Variants in ACACA observed in about 807,000 individuals in gnomAD.
ACACA encodes the protein acetyl-CoA carboxylase 1.
A neutral mutation model predicts 296.1 loss-of-function variants in ACACA; 103 were observed. That is an observed-to-expected ratio of 0.35 (90% CI 0.30 to 0.41). ACACA has a LOEUF of 0.41. Ranked by LOEUF, ACACA falls within the 10% of genes least tolerant of loss-of-function variation. The pLI, the probability that ACACA is intolerant of heterozygous loss-of-function variation, is 1.00. For missense variants in ACACA, 1,554 were observed against 2,989.7 expected (o/e 0.52, Z 11.20); for synonymous variants, 953 against 1,038.6 (o/e 0.92, Z 1.58).
At chr17:37,202,108 G>A (rs569957116) in intron 33 of ACACA, among the ~76,000 whole-genome samples, 1 of 152,214 alleles carries the variant, frequency 6.6e-6, no homozygotes, top group South Asian at 2.1e-4. Flanking sequence ...ATGTGTCGAA[G>A]GAAAGGAGGG....
intron 52 of ACACA, among the ~76,000 whole-genome samples, chr17:37,109,946 G>A (rs774297789): frequency 1.3e-5 from 2 of 152,210 alleles, no homozygotes; most frequent in Admixed American, 6.5e-5. Flanking sequence ...TTCTGCTAGA[G>A]TCAGCATGAA....
intron 1 of ACACA, among the ~76,000 whole-genome samples, chr17:37,380,036 T>C (rs945981994): frequency 6.6e-6 from 1 of 151,338 alleles, no homozygotes; most frequent in Non-Finnish European, 1.5e-5. Context: ...AAATGTCCAA[T>C]AATGATAGAC....
At chr17:37,358,226 T>C (rs1247085077) in intron 1 of ACACA, among the ~76,000 whole-genome samples, 1 of 152,200 alleles carries the variant, frequency 6.6e-6, no homozygotes, top group African/African-American at 2.4e-5. Context: ...AAGTGTCCAT[T>C]AGTGTCCACT....
At chr17:37,268,721 CTATCTATCTATCTATCTATCTA>C (rs1400099121) in intron 10 of ACACA, among the ~76,000 whole-genome samples, 3 of 108,100 alleles carry the variant, frequency 2.8e-5, no homozygotes, top group Admixed American at 9.1e-5. Flanking sequence ...CTATATCTAT[CTATCTATCTATCTATCTATCTA>C]TATATATATA....
intron 6 of ACACA, 82 bp from the exon 7 acceptor site, chr17:37,277,196 C>T (rs764325970): frequency 7.6e-7 from 1 of 1,313,694 alleles, no homozygotes; most frequent in South Asian, 1.2e-5. Context: ...CCAGGCTGGC[C>T]CTGTTTCTTG....
At chr17:37,277,219 TC>T in intron 6 of ACACA, 105 bp from the exon 7 acceptor site, 1 of 967,118 alleles carries the variant, frequency 1.0e-6, no homozygotes, top group Non-Finnish European at 1.7e-6. Context: ...GTACAGTAGT[TC>T]CACAGCAGCC....
intron 39 of ACACA, among the ~76,000 whole-genome samples, chr17:37,182,504 C>T (rs1403661077): frequency 6.6e-6 from 1 of 152,080 alleles, no homozygotes; most frequent in Non-Finnish European, 1.5e-5. Context: ...GTGCTTCATA[C>T]TCCATATATT....
At chr17:37,379,032 A>G (rs2050128718) in intron 1 of ACACA, 1 of 1,340,154 alleles carries the variant, frequency 7.5e-7, no homozygotes, top group South Asian at 1.5e-5. Flanking sequence ...TGATTGCGAC[A>G]CTGCACTCCA....
intron 27 of ACACA, among the ~76,000 whole-genome samples, chr17:37,223,827 C>T (rs1199418390): frequency 6.6e-6 from 1 of 152,226 alleles, no homozygotes; most frequent in Non-Finnish European, 1.5e-5. Flanking sequence ...TCTTGGAATA[C>T]TGAATTAACA....
At position 37,359,004 on chromosome 17, in the gene ACACA, G is replaced by C. The variant is rs909594056; in HGVS notation, c.39-19154C>G. Reference sequence around the variant, plus strand: ...TGGGCCGGCCCTCACCTCACCTCAGGGTGGCAACGTGTGCGGTCGGGCGAT... The same window carrying C: ...TGGGCCGGCCCTCACCTCACCTCAGCGTGGCAACGTGTGCGGTCGGGCGAT... On this transcript the variant is annotated intron_variant, in intron 1 of 55. Coordinates refer to ENST00000616317, the MANE Select transcript of ACACA (RefSeq NM_198834.3). The C allele has an allele frequency of 7.1e-6, 7 of 985,486 alleles. No individual in the cohort carries two copies. In the Admixed American group the frequency reaches 4.3e-4, roughly 61 times the overall value. 61.0% of individuals were successfully genotyped at this position (985,486 alleles called of 1,614,324 possible).
intron 25 of ACACA, among the ~76,000 whole-genome samples, chr17:37,231,190 G>C (rs1233993551): frequency 8.7e-5 from 13 of 150,132 alleles, no homozygotes. Flanking sequence ...AGCAGCCCAG[G>C]CAACACAGTG....
intron 5 of ACACA, among the ~76,000 whole-genome samples, chr17:37,282,565 C>T (rs1182321382): frequency 6.6e-6 from 1 of 152,024 alleles, no homozygotes; most frequent in East Asian, 1.9e-4. Flanking sequence ...AAAGAAAAAA[C>T]ATATGCAGAC....
At chr17:37,268,412 G>A (rs1436242471) in intron 10 of ACACA, among the ~76,000 whole-genome samples, 1 of 152,092 alleles carries the variant, frequency 6.6e-6, no homozygotes, top group Non-Finnish European at 1.5e-5. Flanking sequence ...CCCTGTGAGG[G>A]CTAGTCTATT....
At chr17:37,400,935 T>C (rs1374728665) in intron 1 of ACACA, among the ~76,000 whole-genome samples, 3 of 152,202 alleles carry the variant, frequency 2.0e-5, no homozygotes, top group Non-Finnish European at 4.4e-5. Flanking sequence ...GATCATATGG[T>C]AGTTCCATTC....
intron 37 of ACACA, 124 bp from the exon 38 acceptor site, chr17:37,191,399 AT>A (rs2077744386): frequency 9.9e-7 from 1 of 1,013,858 alleles, no homozygotes; most frequent in East Asian, 2.6e-5. Context: ...GAGATTGTTT[AT>A]CTTTCTCCCT....
rs891922762 is a variant in ACACA, at chr17:37,124,653, C to G, written c.6041+1045G>C. ...AATACTTCTCACTGGGACTGAGAAG[C>G]CTGGGGTGAGATAAAAGACCTGAGA... On this transcript the variant is annotated intron_variant, in intron 48 of 55. Transcript: ENST00000616317. Among the ~76,000 whole-genome samples, 3 of 152,120 alleles carry G rather than the reference C, an allele frequency of 2.0e-5. No individual in the cohort carries two copies. In the South Asian group the frequency reaches 6.2e-4, roughly 32 times the overall value.
intron 52 of ACACA, among the ~76,000 whole-genome samples, chr17:37,108,789 C>CA (rs1258137551): frequency 6.6e-6 from 1 of 152,142 alleles, no homozygotes; most frequent in Non-Finnish European, 1.5e-5. Context: ...GAGAGAACGG[C>CA]AACACAAGAT....
rs12373130 is a variant in ACACA at position 37,230,082 on chromosome 17, A to T, written c.3247-3630T>A. The stretch of plus-strand genomic sequence containing the variant: ...GTCTCAAAATAAAATAAAATAAAAT[A>T]AAATTAAAATAAATAAATAAGGCCG... On this transcript the variant is annotated intron_variant, in intron 25 of 55. Coordinates refer to ENST00000616317, the MANE Select transcript of ACACA (RefSeq NM_198834.3). Among the ~76,000 whole-genome samples, 1,013 of 151,018 alleles carry T rather than the reference A, an allele frequency of 6.7e-3. 9 individuals carry two copies. Among genetic ancestry groups the T allele is most frequent in the Middle Eastern group, 0.024 (7 of 292 alleles).
intron 48 of ACACA, among the ~76,000 whole-genome samples, chr17:37,124,371 AG>A (rs2143125841): frequency 6.6e-6 from 1 of 152,356 alleles, no homozygotes; most frequent in African/African-American, 2.4e-5. Context: ...ATAAGTGTAA[AG>A]TATTTTTCTC....
Sources: gnomAD v4.1 joint callset for allele counts (sites outside exome capture counted in the v4.1 genomes callset) on GRCh38, gnomAD v4.1.1 for gene constraint, MANE v1.5 for transcripts, NCBI Gene and HGNC (gene_info 2026-07-23, HGNC 2026-07-21) for gene names.